LRP1B: variants seen among roughly 807,000 people sequenced by gnomAD.
LRP1B encodes low-density lipoprotein receptor-related protein 1B.
In LRP1B, 217 loss-of-function variants were observed where a neutral mutation model predicts 556.6. The observed-to-expected ratio is 0.39, with a 90% CI of 0.35 to 0.44. LRP1B has a LOEUF of 0.44. Among genes scored for constraint, LRP1B ranks in the 20% least tolerant of loss-of-function variants. LRP1B has a pLI of 1.00. For missense variants in LRP1B, 5,053 were observed against 5,620.8 expected, an observed-to-expected ratio of 0.90 and a Z score of 3.23; for synonymous variants, 2,047 against 1,865.8, an observed-to-expected ratio of 1.10 and a Z score of -2.50.
intron 2 of LRP1B, among the ~76,000 whole-genome samples, chr2:141,756,380 T>C (rs967866396): frequency 6.6e-6 from 1 of 152,082 alleles, no homozygotes; most frequent in African/African-American, 2.4e-5. Flanking sequence ...GAAAAATATA[T>C]TGAATTCAAC....
At chr2:141,238,094 A>C (rs2105310891) in intron 5 of LRP1B, among the ~76,000 whole-genome samples, 1 of 152,324 alleles carries the variant, frequency 6.6e-6, no homozygotes, top group South Asian at 2.1e-4. Context: ...GTAAATCACA[A>C]AATTTCAGAA....
intron 7 of LRP1B, among the ~76,000 whole-genome samples, chr2:141,065,935 C>T (rs1026145706): frequency 6.6e-6 from 1 of 151,890 alleles, no homozygotes; most frequent in Admixed American, 6.6e-5. Flanking sequence ...TGCCCCATTC[C>T]CTTAGGATTG....
chr2:140,352,843 T>A (rs529212487), intron 76 of LRP1B, 110 bp downstream of exon 76: 1 of 1,058,016 alleles, frequency 9.5e-7, no homozygotes, highest in African/African-American at 1.6e-5. Flanking sequence ...TCATTAAAAG[T>A]ATTTTATCAG....
At chr2:141,759,839 T>A (rs1694466710) in intron 2 of LRP1B, among the ~76,000 whole-genome samples, 1 of 152,028 alleles carries the variant, frequency 6.6e-6, no homozygotes, top group African/African-American at 2.4e-5. Flanking sequence ...TCAAAAGCAA[T>A]GGAAAAATAT....
intron 18 of LRP1B, among the ~76,000 whole-genome samples, chr2:140,961,502 A>G (rs1696033621): frequency 6.6e-6 from 1 of 152,068 alleles, no homozygotes; most frequent in South Asian, 2.1e-4. Context: ...TCCACACACA[A>G]ATATTTAAAA....
intron 85 of LRP1B, 35 bp from the exon 86 acceptor site, chr2:140,270,381 G>C (rs1023501663): frequency 2.3e-6 from 3 of 1,308,136 alleles, no homozygotes; most frequent in Non-Finnish European, 3.3e-6. Flanking sequence ...CAATTTCATT[G>C]TTATTGGCAA....
At chr2:141,297,289 TAA>T (rs1371606813) in intron 3 of LRP1B, among the ~76,000 whole-genome samples, 1 of 152,158 alleles carries the variant, frequency 6.6e-6, no homozygotes, top group African/African-American at 2.4e-5. Flanking sequence ...TGGCTATTAC[TAA>T]AAAGTCAAAA....
intron 1 of LRP1B, among the ~76,000 whole-genome samples, chr2:141,856,021 A>T (rs567598244): frequency 2.6e-5 from 4 of 152,200 alleles, no homozygotes; most frequent in Non-Finnish European, 5.9e-5. Flanking sequence ...TGAGTGTGCT[A>T]TGTAAATGCA....
chr2:141,576,313 C>A (rs1335001681), intron 2 of LRP1B, among the ~76,000 whole-genome samples: 1 of 152,172 alleles, frequency 6.6e-6, no homozygotes, highest in Non-Finnish European at 1.5e-5. Flanking sequence ...TCATACTCAG[C>A]AAACTAACAC....
At chr2:141,362,769 C>G (rs1688875514) in intron 3 of LRP1B, among the ~76,000 whole-genome samples, 1 of 149,908 alleles carries the variant, frequency 6.7e-6, no homozygotes, top group African/African-American at 2.5e-5. Context: ...TCCACCTCAC[C>G]AGAAGAAAGA....
intron 1 of LRP1B, among the ~76,000 whole-genome samples, chr2:141,975,758 A>G (rs774094862): frequency 6.6e-6 from 1 of 152,140 alleles, no homozygotes; most frequent in Non-Finnish European, 1.5e-5. Flanking sequence ...GAATGAAGCC[A>G]TATGTATTAG....
At chr2:140,486,209 T>C (rs1190551771) in intron 58 of LRP1B, among the ~76,000 whole-genome samples, 1 of 151,936 alleles carries the variant, frequency 6.6e-6, no homozygotes, top group Non-Finnish European at 1.5e-5. Context: ...ATATGTCAAA[T>C]AAAACTTGAA....
At position 142,101,024 on chromosome 2, in the gene LRP1B, T is replaced by A. The variant is rs1298868636; in HGVS notation, c.82+29624A>T. On this transcript the variant is annotated intron_variant, in intron 1 of 90. Coordinates refer to ENST00000389484, the MANE Select transcript of LRP1B (RefSeq NM_018557.3). ...ATCATATCGCACAGGTACAATTATT[T>A]TAAAATTGTTTTTCTCCTGATTGAG... Among the ~76,000 whole-genome samples the A allele has an allele frequency of 9.2e-5, 14 of 151,758 alleles. No individual in the cohort carries two copies. In the Admixed American group the frequency reaches 9.2e-4, roughly 10 times the overall value.
In LRP1B at chr2:142,095,510, T is replaced by G. The variant is rs531711884; in HGVS notation, c.82+35138A>C. Among the ~76,000 whole-genome samples, 68 of 151,790 alleles carry G rather than the reference T, an allele frequency of 4.5e-4. 1 individual carries two copies. Among genetic ancestry groups the G allele is most frequent in the Middle Eastern group, 6.8e-3 (2 of 292 alleles). ...TTTTTTCATTATATTTAAGAAGAAA[T>G]CAATATCTAAAATGACCATACAGAT... On this transcript the variant is annotated intron_variant, in intron 1 of 90. Coordinates refer to ENST00000389484, the MANE Select transcript of LRP1B (RefSeq NM_018557.3).
chr2:140,417,257 G>A (rs912610696), intron 66 of LRP1B, among the ~76,000 whole-genome samples: 2 of 152,204 alleles, frequency 1.3e-5, no homozygotes, highest in African/African-American at 2.4e-5. Flanking sequence ...CTAAAGCTAA[G>A]AAGCCCTTTA....
chr2:140,477,841 C>T (rs1450994716), intron 59 of LRP1B, among the ~76,000 whole-genome samples: 1 of 152,064 alleles, frequency 6.6e-6, no homozygotes, highest in African/African-American at 2.4e-5. Context: ...AAAACCCTTT[C>T]TTACTGGGCC....
At chr2:141,921,537 TC>T (rs1313116735) in intron 1 of LRP1B, among the ~76,000 whole-genome samples, 2 of 152,012 alleles carry the variant, frequency 1.3e-5, no homozygotes, top group Non-Finnish European at 2.9e-5. Context: ...TCTACTTTGA[TC>T]CCCTGTATTA....
At chr2:141,459,013 C>T (rs373515337) in intron 3 of LRP1B, among the ~76,000 whole-genome samples, 1 of 152,282 alleles carries the variant, frequency 6.6e-6, no homozygotes, top group Admixed American at 6.5e-5. Flanking sequence ...CTAAAACAGA[C>T]AAAATGGCAG....
chr2:140,487,303 G>T (rs983380310), intron 58 of LRP1B, among the ~76,000 whole-genome samples: 22 of 151,822 alleles, frequency 1.4e-4, no homozygotes, highest in African/African-American at 5.3e-4. Context: ...TAAATCAACA[G>T]AATTGAATTG....
Sources: allele counts gnomAD v4.1 joint callset (sites outside exome capture counted in the v4.1 genomes callset), GRCh38; gene constraint gnomAD v4.1.1; transcripts MANE v1.5; gene names NCBI Gene and HGNC (gene_info 2026-07-23, HGNC 2026-07-21).